The following NRXN3 variants were observed in gnomAD, a reference collection of about 807,000 sequenced individuals.
The protein encoded by NRXN3 is neurexin 3, also known as neurexin III.
In NRXN3, 32 loss-of-function variants were observed where a neutral mutation model predicts 137.6. The ratio of observed to expected loss-of-function variants is 0.23; its 90% CI spans 0.18 to 0.31. NRXN3 has a LOEUF of 0.31. Ranked by LOEUF, NRXN3 falls within the 10% of genes least tolerant of loss-of-function variation. The pLI is 1.00. For synonymous variants in NRXN3, 798 were observed against 784.5 expected, an observed-to-expected ratio of 1.02 and a Z score of -0.29; for missense variants, 1,574 against 2,062.5, an observed-to-expected ratio of 0.76 and a Z score of 4.59.
chr14:78,455,949 C>T (rs556739564), intron 4 of NRXN3, among the ~76,000 whole-genome samples: 6 of 152,158 alleles, frequency 3.9e-5, no homozygotes, highest in Non-Finnish European at 8.8e-5. Context: ...TTTGGGAAAG[C>T]CTTAGTCTTC....
chr14:79,487,052 T>G (rs2096664023), intron 16 of NRXN3, among the ~76,000 whole-genome samples: 1 of 151,676 alleles, frequency 6.6e-6, no homozygotes, highest in South Asian at 2.1e-4. Flanking sequence ...GCAGCCAGAT[T>G]GCCTGGGTTC....
chr14:79,821,964 T>C (rs974647141), intron 20 of NRXN3, among the ~76,000 whole-genome samples: 3 of 152,172 alleles, frequency 2.0e-5, no homozygotes, highest in Non-Finnish European at 4.4e-5. Flanking sequence ...TGAGATAACA[T>C]CCAACAGAGA....
intron 15 of NRXN3, among the ~76,000 whole-genome samples, chr14:79,255,069 C>T (rs2076404675): frequency 6.6e-6 from 1 of 152,102 alleles, no homozygotes; most frequent in Admixed American, 6.6e-5. Context: ...CATAACAGAC[C>T]AATTAAAGAC....
chr14:79,508,593 T>C (rs953229000), intron 16 of NRXN3, among the ~76,000 whole-genome samples: 69 of 151,600 alleles, frequency 4.6e-4, no homozygotes, highest in African/African-American at 1.6e-3. Context: ...GGTTTCACCA[T>C]GTTGGCCAGG....
intron 15 of NRXN3, among the ~76,000 whole-genome samples, chr14:79,355,852 C>T (rs574823852): frequency 8.5e-5 from 13 of 152,198 alleles, no homozygotes; most frequent in Admixed American, 7.2e-4. Flanking sequence ...GAAACTTTCA[C>T]GGCAGCTAAA....
intron 16 of NRXN3, among the ~76,000 whole-genome samples, chr14:79,491,745 C>T (rs192353414): frequency 1.4e-3 from 211 of 152,258 alleles, no homozygotes; most frequent in African/African-American, 4.7e-3. Flanking sequence ...AGTGGCAAGA[C>T]TTTCTACAGA....
intron 10 of NRXN3, among the ~76,000 whole-genome samples, chr14:78,815,479 C>CTTTTTTTTTTTTTTTTTTTTTTTTT (rs61411777): frequency 1.3e-4 from 11 of 84,436 alleles, no homozygotes; most frequent in Admixed American, 1.9e-4. Context: ...TTGTTTCTTT[C>CTTTTTTTTTTTTTTTTTTTTTTTTT]TTTTTTTTTT....
At chr14:78,694,605 CT>C (rs1322370616) in intron 6 of NRXN3, among the ~76,000 whole-genome samples, 1 of 151,822 alleles carries the variant, frequency 6.6e-6, no homozygotes, top group Non-Finnish European at 1.5e-5. Context: ...GTTATGGTGC[CT>C]TATGAGAGAG....
intron 16 of NRXN3, among the ~76,000 whole-genome samples, chr14:79,603,768 G>A (rs751067408): frequency 6.6e-6 from 1 of 152,020 alleles, no homozygotes; most frequent in African/African-American, 2.4e-5. Flanking sequence ...TGAAAACTTG[G>A]TACAACCAAA....
chr14:79,591,906 TC>T (rs1210795233), intron 16 of NRXN3, among the ~76,000 whole-genome samples: 1 of 149,812 alleles, frequency 6.7e-6, no homozygotes, highest in Non-Finnish European at 1.5e-5. Flanking sequence ...TTTGCTTTGG[TC>T]TTAACTTTTA....
At chr14:78,581,806 T>C (rs1333500414) in intron 4 of NRXN3, among the ~76,000 whole-genome samples, 1 of 152,186 alleles carries the variant, frequency 6.6e-6, no homozygotes, top group African/African-American at 2.4e-5. Context: ...CTGGTTACTA[T>C]ACAGCAGGAG....
At chr14:79,232,017 A>G (rs1480310099) in intron 15 of NRXN3, among the ~76,000 whole-genome samples, 1 of 152,198 alleles carries the variant, frequency 6.6e-6, no homozygotes, top group Non-Finnish European at 1.5e-5. Context: ...ATATAAGGAC[A>G]TGAACACCTG....
chr14:79,306,357 C>A, intron 15 of NRXN3, among the ~76,000 whole-genome samples: 1 of 152,038 alleles, frequency 6.6e-6, no homozygotes, highest in East Asian at 1.9e-4. Flanking sequence ...ACTTTCATGT[C>A]CCTTCCCCTC....
intron 16 of NRXN3, among the ~76,000 whole-genome samples, chr14:79,468,911 G>A (rs986326657): frequency 3.9e-5 from 6 of 152,144 alleles, no homozygotes; most frequent in African/African-American, 1.4e-4. Flanking sequence ...GGAACCATAT[G>A]GTGCTATGAG....
At chr14:78,175,693 T>G (rs951264745) in intron 1 of NRXN3, among the ~76,000 whole-genome samples, 7 of 152,042 alleles carry the variant, frequency 4.6e-5, no homozygotes, top group Non-Finnish European at 1.0e-4. Flanking sequence ...CGGGGCAGGT[T>G]GGCCATGCTG....
intron 3 of NRXN3, among the ~76,000 whole-genome samples, chr14:78,289,362 T>G (rs2075545560): frequency 6.6e-6 from 1 of 152,156 alleles, no homozygotes; most frequent in South Asian, 2.1e-4. Context: ...ACCATTTTTA[T>G]AGGTCAAAAC....
At chr14:78,976,833 T>C (rs137856132) in intron 14 of NRXN3, among the ~76,000 whole-genome samples, 77 of 152,220 alleles carry the variant, frequency 5.1e-4, no homozygotes, top group African/African-American at 1.9e-3. Context: ...TACACCCAAC[T>C]TAAGTGGGAG....
chr14:79,072,886 C>CTCT (rs1555716675), intron 15 of NRXN3, among the ~76,000 whole-genome samples: 5 of 139,240 alleles, frequency 3.6e-5, no homozygotes, highest in Non-Finnish European at 6.2e-5. Context: ...CTCTCTCTCT[C>CTCT]TTTTTTTTTT....
At chr14:79,002,894 G>A (rs1340954494) in intron 15 of NRXN3, among the ~76,000 whole-genome samples, 2 of 152,100 alleles carry the variant, frequency 1.3e-5, no homozygotes, top group Non-Finnish European at 2.9e-5. Context: ...GTTTTGATAA[G>A]TCCGTATAAT....
Sources: allele counts gnomAD v4.1 joint callset (sites outside exome capture counted in the v4.1 genomes callset), GRCh38; gene constraint gnomAD v4.1.1; transcripts MANE v1.5; gene names NCBI Gene and HGNC (gene_info 2026-07-23, HGNC 2026-07-21).